The following STK31 variants were observed in gnomAD, a reference collection of about 807,000 sequenced individuals.
STK31 encodes the protein serine/threonine-protein kinase 31.
A neutral mutation model predicts 129.7 loss-of-function variants in STK31; 89 were observed. That is an observed-to-expected ratio of 0.69 (90% confidence interval 0.58 to 0.82). The LOEUF (loss-of-function observed/expected upper bound fraction) is 0.82. Among genes scored for constraint, STK31 ranks in the 40% least tolerant of loss-of-function variants. The pLI is 0.00. For missense variants in STK31, 1,187 were observed against 1,176.4 expected (o/e 1.01, Z -0.13); for synonymous variants, 448 against 395.3 (o/e 1.13, Z -1.58).
At chr7:23,748,535 C>T (rs966760730) in intron 8 of STK31, among the ~76,000 whole-genome samples, 3 of 152,172 alleles carry the variant, frequency 2.0e-5, no homozygotes, top group Non-Finnish European at 4.4e-5. Flanking sequence ...TCTCCAGCCT[C>T]CCCTTCCACT....
At chr7:23,745,344 G>A (rs886878357) in intron 8 of STK31, among the ~76,000 whole-genome samples, 2 of 152,184 alleles carry the variant, frequency 1.3e-5, no homozygotes, top group African/African-American at 4.8e-5. Context: ...GTAGGCAGGT[G>A]CAGGATGATG....
At chr7:23,761,103 A>C (rs1789434142) in intron 10 of STK31, among the ~76,000 whole-genome samples, 2 of 152,348 alleles carry the variant, frequency 1.3e-5, no homozygotes, top group Admixed American at 1.3e-4. Context: ...AGATGTAAAA[A>C]AACCTGCCTT....
intron 4 of STK31, among the ~76,000 whole-genome samples, chr7:23,719,685 A>C (rs769909273): frequency 6.6e-6 from 1 of 152,136 alleles, no homozygotes; most frequent in Non-Finnish European, 1.5e-5. Context: ...CACTGGTATA[A>C]AACAGATACC....
At chr7:23,715,007 C>T (rs866885411) in intron 3 of STK31, among the ~76,000 whole-genome samples, 2 of 151,946 alleles carry the variant, frequency 1.3e-5, no homozygotes, top group Non-Finnish European at 2.9e-5. Context: ...TGTAGAAGAA[C>T]GTTTAAAACA....
chr7:23,780,926 T>C (rs1313046010), intron 15 of STK31, among the ~76,000 whole-genome samples: 1 of 152,218 alleles, frequency 6.6e-6, no homozygotes, highest in South Asian at 2.1e-4. Flanking sequence ...CTTAGTGATT[T>C]AAAGTTCACA....
chr7:23,819,307 T>A (rs1793653366), intron 23 of STK31, among the ~76,000 whole-genome samples: 1 of 152,242 alleles, frequency 6.6e-6, no homozygotes, highest in East Asian at 1.9e-4. Flanking sequence ...GTCTGCTATA[T>A]TCAGATACTG....
intron 15 of STK31, among the ~76,000 whole-genome samples, chr7:23,779,020 T>TG (rs1562594903): frequency 2.0e-5 from 3 of 151,976 alleles, no homozygotes; most frequent in Non-Finnish European, 2.9e-5. Flanking sequence ...GTGTTTTTTT[T>TG]TGTGTGGACG....
At chr7:23,823,614 T>C (rs1477826136) in intron 23 of STK31, among the ~76,000 whole-genome samples, 1 of 152,224 alleles carries the variant, frequency 6.6e-6, no homozygotes, top group African/African-American at 2.4e-5. Context: ...AGATCCCATT[T>C]GTCAATTTTG....
At chr7:23,746,490 C>A (rs1247048433) in intron 8 of STK31, among the ~76,000 whole-genome samples, 1 of 152,182 alleles carries the variant, frequency 6.6e-6, no homozygotes, top group Non-Finnish European at 1.5e-5. Context: ...TATCTACTTG[C>A]TATTTTGGCT....
chr7:23,725,701 A>G (rs569881905), intron 4 of STK31, among the ~76,000 whole-genome samples: 2 of 152,332 alleles, frequency 1.3e-5, no homozygotes, highest in South Asian at 2.1e-4. Flanking sequence ...TACAAAAAGC[A>G]TAACTCCAAC....
At chr7:23,740,800 C>T (rs1788012918) in intron 8 of STK31, among the ~76,000 whole-genome samples, 1 of 152,062 alleles carries the variant, frequency 6.6e-6, no homozygotes, top group Non-Finnish European at 1.5e-5. Context: ...CCAGCTTCAT[C>T]CATGTCCCTA....
Position 23,738,059 on chromosome 7 carries a change from G to C in STK31, c.1017+981G>C, listed in dbSNP as rs73080968. ...GTTCCATAAAGCTGCCTCTACTTTA[G>C]ATGCCAGCCACAAATGGGGTCCCCA... On this transcript the variant is annotated intron_variant, in intron 8 of 23. Transcript: ENST00000355870. Among the ~76,000 whole-genome samples the C allele has an allele frequency of 7.3e-3, 1,112 of 152,220 alleles. 2 individuals are homozygous for C. Among genetic ancestry groups the C allele is most frequent in the South Asian group, 0.024 (116 of 4,822 alleles).
chr7:23,748,939 G>T (rs1205732931), intron 8 of STK31, among the ~76,000 whole-genome samples: 5 of 152,184 alleles, frequency 3.3e-5, no homozygotes, highest in Non-Finnish European at 7.3e-5. Context: ...GTAGTCTGTA[G>T]ATGTTAATTA....
intron 6 of STK31, among the ~76,000 whole-genome samples, chr7:23,733,822 T>TA (rs894132858): frequency 9.0e-4 from 134 of 148,466 alleles, no homozygotes; most frequent in African/African-American, 3.1e-3. Flanking sequence ...AATAAAAAAA[T>TA]AAAAAAAAAA....
chr7:23,823,702 TTATTCTTCTAGGGTTTTTA>T (rs1793931034), intron 23 of STK31, among the ~76,000 whole-genome samples: 1 of 152,152 alleles, frequency 6.6e-6, no homozygotes, highest in Non-Finnish European at 1.5e-5. Context: ...TATTGCCTAG[TTATTCTTCTAGGGTTTTTA>T]TAGTTTTAGG....
intron 8 of STK31, among the ~76,000 whole-genome samples, chr7:23,738,343 A>T (rs1241737310): frequency 1.3e-5 from 2 of 152,072 alleles, no homozygotes; most frequent in South Asian, 2.1e-4. Flanking sequence ...TTATCAACCC[A>T]GAAGCTCCCC....
At position 23,711,963 on chromosome 7, in the gene STK31, C is replaced by G. The variant is rs942846113; in HGVS notation, c.51-136C>G. 18 of 698,882 alleles carry G rather than the reference C, an allele frequency of 2.6e-5. No homozygotes were observed. The Admixed American group carries it at 3.6e-4, about 14-fold the overall frequency. 43.3% of individuals were successfully genotyped at this position (698,882 alleles called of 1,614,324 possible). ...TAGTTAGTGAAGGAAATATTGAGCT[C>G]ATTTTTAATATAGAGTTTGAATTTT... On this transcript the variant is annotated intron_variant, in intron 1 of 23. Transcript: ENST00000355870.
chr7:23,828,440 GA>G (rs1562639742), intron 23 of STK31, among the ~76,000 whole-genome samples: 1 of 152,236 alleles, frequency 6.6e-6, no homozygotes, highest in East Asian at 1.9e-4. Flanking sequence ...AAGCCCATTG[GA>G]AAAGCGCAGT....
intron 23 of STK31, among the ~76,000 whole-genome samples, chr7:23,820,931 T>A (rs1235740921): frequency 6.6e-6 from 1 of 152,260 alleles, no homozygotes; most frequent in Non-Finnish European, 1.5e-5. Context: ...TTTTTCCATT[T>A]GTCCATTGAT....
Sources: gnomAD v4.1 joint callset for allele counts (sites outside exome capture counted in the v4.1 genomes callset) on GRCh38, gnomAD v4.1.1 for gene constraint, MANE v1.5 for transcripts, NCBI Gene and HGNC (gene_info 2026-07-23, HGNC 2026-07-21) for gene names.